The following RPAP2 variants were observed in gnomAD, a reference collection of about 807,000 sequenced individuals.
The protein encoded by RPAP2 is putative RNA polymerase II subunit B1 CTD phosphatase RPAP2.
RPAP2 carries 52 observed loss-of-function variants against 73.1 expected under a neutral mutation model. The observed-to-expected ratio is 0.71, with a 90% CI of 0.57 to 0.90. RPAP2 has a LOEUF of 0.90. Among genes scored for constraint, RPAP2 ranks in the 40% least tolerant of loss-of-function variants. The pLI is 0.00. For synonymous variants in RPAP2, 225 were observed against 242.1 expected (o/e 0.93, Z 0.65); for missense variants, 598 against 701.8 (o/e 0.85, Z 1.67).
chr1:92,327,928 G>T (rs1469821529), intron 8 of RPAP2, among the ~76,000 whole-genome samples: 1 of 152,132 alleles, frequency 6.6e-6, no homozygotes. Context: ...AGTTTCGCTG[G>T]ATACAAAATT....
At chr1:92,350,967 C>G (rs1270270049) in intron 11 of RPAP2, among the ~76,000 whole-genome samples, 2 of 151,608 alleles carry the variant, frequency 1.3e-5, no homozygotes, top group African/African-American at 4.8e-5. Context: ...TATTTAGTAC[C>G]TATATACTCT....
At chr1:92,332,474 G>A (rs7542747) in intron 8 of RPAP2, among the ~76,000 whole-genome samples, 4 of 152,006 alleles carry the variant, frequency 2.6e-5, no homozygotes, top group Non-Finnish European at 5.9e-5. Context: ...TCATATTGTC[G>A]TGTTTTATTA....
intron 11 of RPAP2, among the ~76,000 whole-genome samples, chr1:92,370,455 AC>A (rs999456153): frequency 2.6e-5 from 4 of 152,060 alleles, no homozygotes; most frequent in African/African-American, 9.7e-5. Context: ...GAGCTTTCGT[AC>A]CCCCCCACCA....
chr1:92,333,775 A>G (rs1186355581), intron 9 of RPAP2, among the ~76,000 whole-genome samples: 1 of 152,198 alleles, frequency 6.6e-6, no homozygotes, highest in Non-Finnish European at 1.5e-5. Flanking sequence ...TATCAAAGCT[A>G]GACCCATTTA....
chr1:92,401,556 G>A lies in RPAP2; in HGVS notation c.*14545G>A, dbSNP rs1012441603. The A allele has an allele frequency of 1.3e-5, 2 of 152,134 alleles. No individual in the cohort carries two copies. Among genetic ancestry groups the A allele is most frequent in the African/African-American group, 4.8e-5 (2 of 41,434 alleles). The allele number at this position is 152,134 out of a possible 1,614,324, so 9.4% of individuals were successfully genotyped here. A position where few individuals can be genotyped will look rare whatever the true frequency, so the allele number is the denominator to read the frequency against. On this transcript the variant is annotated 3_prime_UTR_variant, in exon 13 of 13. Transcript: ENST00000610020. ...CTTACTGCCCTGGTTAGGACCTTCA[G>A]AACAATACTGGATATAAGTGGTGAA...
In RPAP2 at chr1:92,390,047, C is replaced by T. The variant is rs1275482140; in HGVS notation, c.*3036C>T. 6.6e-6 allele frequency: 1 copy of T among 152,124 alleles called. No homozygotes were observed. The highest frequency in any genetic ancestry group is 1.9e-4 in the East Asian group (1 of 5,202). 9.4% of individuals were successfully genotyped at this position (152,124 alleles called of 1,614,324 possible). ...TCAAATTCAGGAAATACAGAGAACA[C>T]CACAAAGATACTCCTCAAGAAGAGC... On this transcript the variant is annotated 3_prime_UTR_variant, in exon 13 of 13. Coordinates refer to ENST00000610020, the MANE Select transcript of RPAP2 (RefSeq NM_024813.3).
rs747084456 is a variant in RPAP2 at position 92,299,085 on chromosome 1, C to T, written c.12C>T (p.Phe4=). The change falls in exon 1 of 13, where the codon TTC becomes TTT. Residue 4 remains phenylalanine (F), a synonymous_variant. Transcript: ENST00000610020. ...GACTACTCTCCCCCATGGCGGACTT[C>T]GCTGGGCCGTCTTCTGCCGGCCGCA... MAD[F]AGPSSAGRKA... 1.4e-4 allele frequency: 210 copies of T among 1,513,628 alleles called. No homozygotes were observed. In the East Asian group the frequency reaches 2.2e-3, roughly 16 times the overall value. The allele number at this position is 1,513,628 out of a possible 1,614,324, so 93.8% of individuals were successfully genotyped here.
At position 92,399,199 on chromosome 1, in the gene RPAP2, C is replaced by G. The variant is rs1656257785; in HGVS notation, c.*12188C>G. The G allele has an allele frequency of 6.6e-6, 1 of 152,200 alleles. No homozygotes were observed. Among genetic ancestry groups the G allele is most frequent in the Admixed American group, 6.6e-5 (1 of 15,266 alleles). The allele number at this position is 152,200 out of a possible 1,614,324, so 9.4% of individuals were successfully genotyped here. A position where few individuals can be genotyped will look rare whatever the true frequency, so the allele number is the denominator to read the frequency against. On this transcript the variant is annotated 3_prime_UTR_variant, in exon 13 of 13. Transcript: ENST00000610020. Reference sequence around the variant, plus strand: ...CTTCCCAGCACCTCTGCAGTCATAACCAAAGTGAAGGACAATATTGCATGA... The same window carrying G: ...CTTCCCAGCACCTCTGCAGTCATAAGCAAAGTGAAGGACAATATTGCATGA...
chr1:92,373,739 TAAAAAAAAAAAAAAAAA>T (rs59586077), intron 11 of RPAP2, among the ~76,000 whole-genome samples: 3 of 80,484 alleles, frequency 3.7e-5, no homozygotes, highest in South Asian at 4.5e-4. Context: ...CTACTAAAAA[TAAAAAAAAAAAAAAAAA>T]AAAAAAAAAA....
intron 8 of RPAP2, among the ~76,000 whole-genome samples, chr1:92,329,758 T>C (rs899208643): frequency 1.3e-5 from 2 of 152,186 alleles, no homozygotes; most frequent in South Asian, 2.1e-4. Flanking sequence ...GATTGAGCTA[T>C]AATAGCCTTT....
chr1:92,350,074 C>A (rs11588044), intron 11 of RPAP2, among the ~76,000 whole-genome samples: 39,548 of 152,078 alleles, frequency 0.26, 6,527 homozygotes, highest in Non-Finnish European at 0.35. Flanking sequence ...TGAAAATACA[C>A]CATGACCCAT....
chr1:92,381,515 T>C (rs1185818462), intron 12 of RPAP2, among the ~76,000 whole-genome samples: 2 of 151,824 alleles, frequency 1.3e-5, no homozygotes, highest in African/African-American at 4.8e-5. Context: ...CATGCTCAGA[T>C]AGGTACTGAT....
In RPAP2 at chr1:92,333,454, C is replaced by T. The variant is rs774755719; in HGVS notation, c.1519C>T (p.Leu507Phe). ...GAACCAGATTAGAAAACGCATCGTA[C>T]TTGAAAAGTTGAGTAAAGTGTAAGT... ...SQNQIRKRIV[L>F]EKLSKVLPGL... is the part of the protein sequence containing the mutation. Residue 507 changes from leucine (L) to phenylalanine (F), a missense_variant, in exon 9 of 13, where the codon CTT becomes TTT. By Grantham distance (22) the Leu-to-Phe change is conservative (BLOSUM62 0). Coordinates refer to ENST00000610020, the MANE Select transcript of RPAP2 (RefSeq NM_024813.3). 11 of 1,612,918 alleles carry T rather than the reference C, an allele frequency of 6.8e-6. No homozygotes were observed. The highest frequency in any genetic ancestry group is 6.7e-5 in the African/African-American group (5 of 74,886).
rs1292632213 is a variant in RPAP2 at position 92,324,307 on chromosome 1, A to G, written c.1387A>G (p.Ile463Val). 6.2e-7 allele frequency: 1 copy of G among 1,613,972 alleles called. No homozygotes were observed. The highest frequency in any genetic ancestry group is 8.5e-7 in the Non-Finnish European group (1 of 1,179,986). Residue 463 changes from isoleucine to valine, a missense_variant, in exon 8 of 13, where the codon ATC (isoleucine) becomes GTC (valine). This residue lies in a region of RPAP2 where 506 missense variants were observed against 612.8 expected (regional missense o/e 0.83). Transcript: ENST00000610020. ...KKETEKLNLRIREFYRGRYVL... is the reference protein window; with the variant it reads ...KKETEKLNLRVREFYRGRYVL... ...AGAAACTGAAAAGTTAAATCTGAGG[A>G]TCAGGGAGTTTTACAGAGGACGGTA...
At chr1:92,305,607 A>G (rs1651177393) in intron 5 of RPAP2, among the ~76,000 whole-genome samples, 1 of 151,956 alleles carries the variant, frequency 6.6e-6, no homozygotes, top group South Asian at 2.1e-4. Flanking sequence ...AAGAGAAGCC[A>G]CAAAGCAGAA....
rs1656222795 is a variant in RPAP2 at position 92,397,873 on chromosome 1, C to T, written c.*10862C>T. 1.3e-5 allele frequency: 2 copies of T among 152,384 alleles called. No individual in the cohort carries two copies. The highest frequency in any genetic ancestry group is 2.9e-5 in the Non-Finnish European group (2 of 68,206). 9.4% of individuals were successfully genotyped at this position (152,384 alleles called of 1,614,324 possible). A position where few individuals can be genotyped will look rare whatever the true frequency, so the allele number is the denominator to read the frequency against. Reference sequence around the variant, plus strand: ...ACAGGAGCCAATCTGAAAGAGCTCCCTGGCCGGGCACGGTGGCTCACGCCT... The same window carrying T: ...ACAGGAGCCAATCTGAAAGAGCTCCTTGGCCGGGCACGGTGGCTCACGCCT... On this transcript the variant is annotated 3_prime_UTR_variant, in exon 13 of 13. Coordinates refer to ENST00000610020, the MANE Select transcript of RPAP2 (RefSeq NM_024813.3).
chr1:92,336,482 C>T (rs1392361770), intron 10 of RPAP2, 55 bp downstream of exon 10: 5 of 1,197,254 alleles, frequency 4.2e-6, no homozygotes, highest in Non-Finnish European at 6.2e-6. Context: ...TATTTATTGC[C>T]TTGCAGAATC....
At position 92,390,591 on chromosome 1, in the gene RPAP2, C is replaced by G. The variant is rs1004341085; in HGVS notation, c.*3580C>G. On this transcript the variant is annotated 3_prime_UTR_variant, in exon 13 of 13. Transcript: ENST00000610020. ...GGATAAATGCCCCAATTAAAAGACA[C>G]AGACTGGCAAATTGAATAAACAGTC... 6.6e-6 allele frequency: 1 copy of G among 152,164 alleles called. No individual in the cohort carries two copies. Among genetic ancestry groups the G allele is most frequent in the African/African-American group, 2.4e-5 (1 of 41,434 alleles). The allele number at this position is 152,164 out of a possible 1,614,324, so 9.4% of individuals were successfully genotyped here.
At chr1:92,361,395 A>T (rs1338977630) in intron 11 of RPAP2, among the ~76,000 whole-genome samples, 1 of 152,206 alleles carries the variant, frequency 6.6e-6, no homozygotes, top group Non-Finnish European at 1.5e-5. Flanking sequence ...ATTTGTTGAT[A>T]CATCAAAAGA....
Sources: allele counts gnomAD v4.1 joint callset (sites outside exome capture counted in the v4.1 genomes callset), GRCh38; gene constraint gnomAD v4.1.1; regional missense constraint gnomAD v4.1.1; transcripts MANE v1.5; gene names NCBI Gene and HGNC (gene_info 2026-07-23, HGNC 2026-07-21).